POTEE: variants seen among roughly 807,000 people sequenced by gnomAD.
The protein encoded by POTEE is POTE ankyrin domain family member E.
Under a neutral mutation model 74.2 loss-of-function variants are expected in POTEE, and 21 were observed. The observed-to-expected ratio is 0.28, with a 90% confidence interval of 0.20 to 0.41. POTEE has a LOEUF of 0.41. Among genes scored for constraint, POTEE ranks in the 10% least tolerant of loss-of-function variants. The pLI, the probability that POTEE is intolerant of heterozygous loss-of-function variation, is 1.00. For missense variants in POTEE, 525 were observed against 1,158.6 expected (o/e 0.45, Z 7.94); for synonymous variants, 211 against 432.8 (o/e 0.49, Z 6.36).
chr2:131,232,039 A>G (rs1355534070), intron 9 of POTEE, among the ~76,000 whole-genome samples: 1 of 151,908 alleles, frequency 6.6e-6, no homozygotes, highest in East Asian at 1.9e-4. Context: ...AAACATTTCT[A>G]TTTATGTTTT....
chr2:131,216,271 T>C (rs1559165383), intron 2 of POTEE, among the ~76,000 whole-genome samples: 1 of 152,094 alleles, frequency 6.6e-6, no homozygotes, highest in Non-Finnish European at 1.5e-5. Flanking sequence ...CTCAAAGCAT[T>C]CTACAGATTA....
intron 2 of POTEE, among the ~76,000 whole-genome samples, chr2:131,211,669 C>T (rs1405576953): frequency 6.6e-6 from 1 of 150,480 alleles, no homozygotes; most frequent in Non-Finnish European, 1.5e-5. Flanking sequence ...CCTCCTGCCT[C>T]AGCCTCCCTA....
rs1164814389 is a variant in POTEE at position 131,218,779 on chromosome 2, G to C, written c.377G>C (p.Ser126Thr). Residue 126 changes from serine (S) to threonine (T), a missense_variant, in exon 4 of 18, where the codon AGC becomes ACC. Ser to Thr is a moderately conservative substitution (Grantham distance 58). Transcript: ENST00000683005. ...GGCGCTTGGGGAGACTACGATGACA[G>C]CGCCTTCATGGAGCCCAGGTACCAC... is the stretch of plus-strand genomic sequence containing the variant. ...KVGAWGDYDD[S>T]AFMEPRYHVR... 6.2e-7 allele frequency: 1 copy of C among 1,612,756 alleles called. No homozygotes were observed. Among genetic ancestry groups the C allele is most frequent in the Non-Finnish European group, 8.5e-7 (1 of 1,179,802 alleles).
chr2:131,248,677 AAGTC>A (rs1701412566), intron 13 of POTEE, among the ~76,000 whole-genome samples: 1 of 149,288 alleles, frequency 6.7e-6, no homozygotes, highest in Non-Finnish European at 1.5e-5. Flanking sequence ...CCGTGACAGA[AAGTC>A]AGCATCCACA....
intron 6 of POTEE, among the ~76,000 whole-genome samples, chr2:131,225,405 C>A (rs1700750879): frequency 6.6e-6 from 1 of 151,574 alleles, no homozygotes; most frequent in Non-Finnish European, 1.5e-5. Flanking sequence ...ACGACAACAA[C>A]AACAATTTTC....
At chr2:131,225,688 T>TC in intron 6 of POTEE, among the ~76,000 whole-genome samples, 1 of 138,442 alleles carries the variant, frequency 7.2e-6, no homozygotes, top group African/African-American at 2.9e-5. Context: ...CAACCTCAGT[T>TC]TTTTTTTTTT....
At chr2:131,221,577 AT>A in intron 4 of POTEE, among the ~76,000 whole-genome samples, 2 of 152,208 alleles carry the variant, frequency 1.3e-5, no homozygotes, top group African/African-American at 4.8e-5. Flanking sequence ...GATGCAAATA[AT>A]TTGTCACATT....
At chr2:131,231,304 T>A in intron 9 of POTEE, among the ~76,000 whole-genome samples, 1 of 150,492 alleles carries the variant, frequency 6.6e-6, no homozygotes, top group Non-Finnish European at 1.5e-5. Context: ...CTGATCTGAC[T>A]GGAGGCAGAG....
chr2:131,211,555 T>TGTGTGTGTGGC (rs1559162400), intron 2 of POTEE, among the ~76,000 whole-genome samples: 2 of 96,840 alleles, frequency 2.1e-5, no homozygotes, highest in African/African-American at 3.8e-5. Context: ...TTTTTTTTTT[T>TGTGTGTGTGGC]TTTTTTTTTT....
intron 2 of POTEE, among the ~76,000 whole-genome samples, chr2:131,211,542 CTTTTTTTTTTTTT>C (rs1163533169): frequency 2.6e-4 from 3 of 11,382 alleles, no homozygotes; most frequent in African/African-American, 8.1e-4. Context: ...GTGTGTGTGG[CTTTTTTTTTTTTT>C]TTTTTTTTTT....
chr2:131,219,319 AAAATCCAGTATGGATTTT>A (rs1227287572), intron 4 of POTEE, among the ~76,000 whole-genome samples: 1 of 151,744 alleles, frequency 6.6e-6, no homozygotes, highest in Non-Finnish European at 1.5e-5. Flanking sequence ...TTCTTCAAAT[AAAATCCAGTATGGATTTT>A]ATATCAATGT....
Position 131,263,484 on chromosome 2 carries a change from T to A in POTEE, c.2029T>A (p.Leu677Met). ...HQSQLREKKY[L>M]EDIESVKKKN... is the part of the protein sequence containing the mutation. ...GAGCCAGCTAAGAGAAAAGAAATAT[T>A]TGGAGGATATTGAAAGTGTGAAAAA... Residue 677 changes from leucine to methionine, a missense_variant, in exon 18 of 18, where the codon TTG becomes ATG. By Grantham distance (15) the Leu-to-Met change is conservative. Coordinates refer to ENST00000683005, the MANE Select transcript of POTEE (RefSeq NM_001083538.3). 6.2e-7 allele frequency: 1 copy of A among 1,611,752 alleles called. No individual in the cohort carries two copies. The highest frequency in any genetic ancestry group is 8.5e-7 in the Non-Finnish European group (1 of 1,179,712).
chr2:131,220,685 G>A (rs542765800), intron 4 of POTEE, among the ~76,000 whole-genome samples: 2 of 152,194 alleles, frequency 1.3e-5, no homozygotes, highest in South Asian at 2.1e-4. Context: ...TGAAAGGCCG[G>A]GTACAGTGGC....
At position 131,218,321 on chromosome 2, in the gene POTEE, G is replaced by A. The variant is rs1180259007; in HGVS notation, c.-82G>A. The stretch of plus-strand genomic sequence containing the variant: ...TTCTCTTCAAACAGATTGGAAACCC[G>A]GAGTTACCTGCTAGTTGGTGAAACT... On this transcript the variant is annotated 5_prime_UTR_variant, in exon 4 of 18. Transcript: ENST00000683005. 11 of 1,595,444 alleles carry A rather than the reference G, an allele frequency of 6.9e-6. No homozygotes were observed. Among genetic ancestry groups the A allele is most frequent in the African/African-American group, 1.3e-5 (1 of 74,556 alleles).
chr2:131,216,062 A>C (rs1329259385), intron 2 of POTEE, among the ~76,000 whole-genome samples: 1 of 152,128 alleles, frequency 6.6e-6, no homozygotes, highest in African/African-American at 2.4e-5. Flanking sequence ...TATCTGAAAA[A>C]TAAGGTAATT....
intron 2 of POTEE, among the ~76,000 whole-genome samples, chr2:131,217,348 G>A (rs866416234): frequency 2.4e-4 from 24 of 100,450 alleles, no homozygotes; most frequent in African/African-American, 9.5e-4. Flanking sequence ...GAGCAAAGAG[G>A]AGCAGGTGTT....
chr2:131,256,505 A>G (rs1325487491), intron 16 of POTEE, among the ~76,000 whole-genome samples: 1 of 16,308 alleles, frequency 6.1e-5, no homozygotes, highest in East Asian at 9.6e-4. Context: ...TCCTGCTGAA[A>G]CTTCTGTTTC....
intron 16 of POTEE, among the ~76,000 whole-genome samples, chr2:131,260,259 A>G (rs1415820062): frequency 6.7e-6 from 1 of 149,756 alleles, no homozygotes; most frequent in Non-Finnish European, 1.5e-5. Flanking sequence ...TGATGCCAAC[A>G]TATTTGTTCC....
intron 6 of POTEE, among the ~76,000 whole-genome samples, chr2:131,226,455 G>C (rs1700782375): frequency 7.5e-6 from 1 of 133,328 alleles, no homozygotes; most frequent in South Asian, 2.6e-4. Context: ...ATTTGTCTTA[G>C]GGTTGAGGAT....
Sources: gnomAD v4.1 joint callset for allele counts (sites outside exome capture counted in the v4.1 genomes callset) on GRCh38, gnomAD v4.1.1 for gene constraint, MANE v1.5 for transcripts, NCBI Gene and HGNC (gene_info 2026-07-23, HGNC 2026-07-21) for gene names.